Variants in ZNF600 observed in about 807,000 individuals in gnomAD.
ZNF600 encodes the protein zinc finger protein 600.
Under a neutral mutation model 7.3 loss-of-function variants are expected in ZNF600, and 4 were observed. That is an observed-to-expected ratio of 0.55 (90% CI 0.27 to 1.25). The LOEUF (loss-of-function observed/expected upper bound fraction) is 1.25, where lower values mean the gene tolerates loss of function less well. Among genes scored for constraint, ZNF600 ranks in the 50% most tolerant of loss-of-function variants. The pLI is 0.12. For missense variants in ZNF600, 911 were observed against 922.1 expected (o/e 0.99, Z 0.16); for synonymous variants, 290 against 308.9 (o/e 0.94, Z 0.64).
intron 1 of ZNF600, among the ~76,000 whole-genome samples, chr19:52,781,919 G>C (rs1254039704): frequency 6.6e-6 from 1 of 152,158 alleles, no homozygotes; most frequent in Non-Finnish European, 1.5e-5. Flanking sequence ...AAATTAGCCA[G>C]GCGTAGGGGT....
At chr19:52,795,740 T>C in the ZNF600 span, among the ~76,000 whole-genome samples, 1 of 152,238 alleles carries the variant, frequency 6.6e-6, no homozygotes, top group South Asian at 2.1e-4. Context: ...CTAATTTCTA[T>C]ATTTTAGTCA....
intron 2 of ZNF600, among the ~76,000 whole-genome samples, chr19:52,777,320 G>T (rs1205682364): frequency 3.3e-5 from 5 of 152,150 alleles, no homozygotes; most frequent in Non-Finnish European, 7.3e-5. Flanking sequence ...AGAGGGGCAG[G>T]GAGCTGAGAT....
the ZNF600 span, among the ~76,000 whole-genome samples, chr19:52,824,987 C>T: frequency 3.9e-5 from 6 of 152,134 alleles, no homozygotes; most frequent in Non-Finnish European, 8.8e-5. Context: ...GTTCCAGCTA[C>T]TTGGGAGGCT....
chr19:52,805,429 C>G, the ZNF600 span: 1 of 151,702 alleles, frequency 6.6e-6, no homozygotes, highest in Admixed American at 6.6e-5. Context: ...TTGAGACTAT[C>G]CTGGCCAACC....
chr19:52,810,876 TCCCCCTCCCCCTCCCCCTCCCC>T, the ZNF600 span, among the ~76,000 whole-genome samples: 4 of 4,664 alleles, frequency 8.6e-4, no homozygotes, highest in Admixed American at 6.4e-3. Context: ...CCCCTCCCCC[TCCCCCTCCCCCTCCCCCTCCCC>T]CTCCCTCTCC....
At chr19:52,768,346 A>AT (rs1401233194) in intron 3 of ZNF600, among the ~76,000 whole-genome samples, 2 of 151,524 alleles carry the variant, frequency 1.3e-5, no homozygotes, top group Non-Finnish European at 2.9e-5. Flanking sequence ...AGGCTGAGGC[A>AT]TAAGAATCAC....
the ZNF600 span, among the ~76,000 whole-genome samples, chr19:52,811,091 G>A: frequency 1.9e-4 from 28 of 149,294 alleles, no homozygotes; most frequent in Admixed American, 1.4e-3. Context: ...ACGGGGTTTC[G>A]CTGTGTTGGC....
chr19:52,767,513 C>T lies in ZNF600; in HGVS notation c.450G>A (p.Lys150=), dbSNP rs770727146. 1.2e-5 allele frequency: 19 copies of T among 1,614,100 alleles called. No homozygotes were observed. The Admixed American group carries it at 3.2e-4, about 27-fold the overall frequency. ...TTGATCCAAGCTGATCTTTAATAGG[C>T]TTGTTTCCAGCATGCCTGTGATCAT... Residue 150 remains lysine (K), a synonymous_variant, in exon 4 of 4, where the codon AAG becomes AAA. Transcript: ENST00000648973.
chr19:52,776,069 T>G (rs2062672720), intron 2 of ZNF600, among the ~76,000 whole-genome samples: 2 of 63,046 alleles, frequency 3.2e-5, no homozygotes, highest in South Asian at 4.0e-4. Context: ...CTAACATTTT[T>G]GAATGCTTCC....
the ZNF600 span, chr19:52,801,815 T>G: frequency 4.7e-5 from 49 of 1,032,492 alleles, no homozygotes; most frequent in African/African-American, 7.5e-4. Flanking sequence ...CCAAACATGA[T>G]CTTCAAAGTT....
chr19:52,774,433 CA>C (rs1387402176), intron 3 of ZNF600, 141 bp downstream of exon 5: 3 of 855,828 alleles, frequency 3.5e-6, no homozygotes, highest in East Asian at 1.4e-4. Flanking sequence ...CCATCTCAAA[CA>C]AAAAAACAAA....
At chr19:52,830,024 A>G in the ZNF600 span, among the ~76,000 whole-genome samples, 13 of 152,162 alleles carry the variant, frequency 8.5e-5, no homozygotes, top group African/African-American at 3.1e-4. Flanking sequence ...TTGTAATCCC[A>G]ACACTTTGGA....
downstream of ZNF600, chr19:52,764,431 T>TG (rs2062552587): frequency 2.0e-5 from 3 of 151,726 alleles, no homozygotes; most frequent in South Asian, 6.3e-4. Context: ...AGGGTGCTCT[T>TG]GAACTTCTGA....
chr19:52,831,584 G>C, the ZNF600 span, among the ~76,000 whole-genome samples: 3 of 151,550 alleles, frequency 2.0e-5, no homozygotes, highest in East Asian at 1.9e-4. Context: ...CTCACTGCAA[G>C]CTCCACCTCC....
At chr19:52,807,091 G>A in the ZNF600 span, among the ~76,000 whole-genome samples, 118,261 of 151,602 alleles carry the variant, frequency 0.78, 47,055 homozygotes, top group Non-Finnish European at 0.87. Context: ...TCTTACCTGC[G>A]TTTGCACCTG....
At chr19:52,832,637 A>G in the ZNF600 span, among the ~76,000 whole-genome samples, 1 of 152,106 alleles carries the variant, frequency 6.6e-6, no homozygotes, top group Non-Finnish European at 1.5e-5. Context: ...TTGTGGTGAC[A>G]CATGCCTATC....
intron 1 of ZNF600, among the ~76,000 whole-genome samples, chr19:52,779,197 C>T (rs1430144144): frequency 6.6e-6 from 1 of 152,178 alleles, no homozygotes; most frequent in Non-Finnish European, 1.5e-5. Context: ...CTTCATCAAT[C>T]CCCATCCAGA....
At chr19:52,785,540 C>T (rs903543472) in intron 1 of ZNF600, among the ~76,000 whole-genome samples, 4 of 152,174 alleles carry the variant, frequency 2.6e-5, no homozygotes, top group Non-Finnish European at 4.4e-5. Flanking sequence ...TGACCCACAG[C>T]GCCCGGTCCT....
the ZNF600 span, among the ~76,000 whole-genome samples, chr19:52,827,034 A>G: frequency 2.0e-5 from 3 of 152,002 alleles, no homozygotes; most frequent in Admixed American, 6.6e-5. Flanking sequence ...TGACTATACC[A>G]CCGTACTCCT....
Sources: gnomAD v4.1 joint callset for allele counts (sites outside exome capture counted in the v4.1 genomes callset) on GRCh38, gnomAD v4.1.1 for gene constraint, MANE v1.5 for transcripts, NCBI Gene and HGNC (gene_info 2026-07-23, HGNC 2026-07-21) for gene names.